The following SRP68 variants were observed in gnomAD, a reference collection of about 807,000 sequenced individuals.
SRP68 encodes signal recognition particle 68.
A neutral mutation model predicts 82.2 loss-of-function variants in SRP68; 15 were observed. That is an observed-to-expected ratio of 0.18 (90% CI 0.12 to 0.28). SRP68 has a LOEUF of 0.28. Among genes scored for constraint, SRP68 ranks in the 10% least tolerant of loss-of-function variants. The pLI, the probability that SRP68 is intolerant of heterozygous loss-of-function variation, is 1.00. For synonymous variants in SRP68, 261 were observed against 292.6 expected (o/e 0.89, Z 1.10); for missense variants, 595 against 780.5 (o/e 0.76, Z 2.83).
chr17:76,045,180 G>C (rs1375029375), intron 12 of SRP68, 112 bp downstream of exon 12: 2 of 780,152 alleles, frequency 2.6e-6, no homozygotes, highest in Non-Finnish European at 4.3e-6. Context: ...TCACAGGCAA[G>C]GTAACCATAC....
chr17:76,061,738 A>G, intron 4 of SRP68, 164 bp from the exon 5 acceptor site: 1 of 512,342 alleles, frequency 2.0e-6, no homozygotes, highest in East Asian at 3.2e-5. Flanking sequence ...AGGTGGGAGG[A>G]TCACTTGAAC....
intron 3 of SRP68, 133 bp from the exon 4 acceptor site, chr17:76,064,304 G>T: frequency 1.4e-6 from 1 of 725,806 alleles, no homozygotes; most frequent in Non-Finnish European, 2.3e-6. Context: ...CAACTCTTCT[G>T]ATATTCTCAG....
intron 1 of SRP68, 124 bp from the exon 2 acceptor site, chr17:76,070,568 C>T (rs1302350299): frequency 3.2e-5 from 27 of 842,420 alleles, no homozygotes; most frequent in Admixed American, 1.2e-4. Context: ...TAGCCAGGTA[C>T]GGTGGCTCAT....
At chr17:76,065,066 A>T (rs2066796560) in intron 3 of SRP68, among the ~76,000 whole-genome samples, 2 of 152,108 alleles carry the variant, frequency 1.3e-5, no homozygotes. Flanking sequence ...CTTTATTATT[A>T]TACTGGTGAA....
At chr17:76,057,803 A>G (rs1224124276) in intron 7 of SRP68, among the ~76,000 whole-genome samples, 1 of 150,028 alleles carries the variant, frequency 6.7e-6, no homozygotes, top group East Asian at 2.0e-4. Flanking sequence ...GCCTCCTGAG[A>G]AGCTAGAACT....
chr17:76,061,009 G>T (rs1255645522), intron 6 of SRP68, 101 bp downstream of exon 6: 5 of 777,560 alleles, frequency 6.4e-6, no homozygotes, highest in Non-Finnish European at 1.1e-5. Context: ...GGCAAGCGAA[G>T]AAGAAAGTTA....
chr17:76,062,536 C>T (rs1439741590), intron 4 of SRP68, among the ~76,000 whole-genome samples: 2 of 101,188 alleles, frequency 2.0e-5, no homozygotes, highest in African/African-American at 4.1e-5. Flanking sequence ...ATATAATATA[C>T]ATTATATATT....
Position 76,062,727 on chromosome 17 carries a change from TTTTATATA to T in SRP68, c.562-1161_562-1154del, listed in dbSNP as rs2066771983. 9.9e-5 allele frequency among the ~76,000 whole-genome samples: 2 copies of T among 20,176 alleles called. 1 individual carries two copies. The highest frequency in any genetic ancestry group is 4.2e-3 in the East Asian group (2 of 474). 13.2% of individuals were successfully genotyped at this position (20,176 alleles called of 152,430 possible). On this transcript the variant is annotated intron_variant, in intron 4 of 15. Coordinates refer to ENST00000307877, the MANE Select transcript of SRP68 (RefSeq NM_014230.4). ...TATATTATACAATATATTATATTTATTTTATATATATATATATATATATATATATATAT... is the reference window on the plus strand; with the variant it reads ...TATATTATACAATATATTATATTTATTATATATATATATATATATATATAT...
intron 7 of SRP68, among the ~76,000 whole-genome samples, chr17:76,059,741 G>A (rs1318227348): frequency 1.4e-5 from 2 of 143,806 alleles, no homozygotes; most frequent in Non-Finnish European, 3.0e-5. Flanking sequence ...GCAGTGAGCT[G>A]AGATCACGCC....
chr17:76,057,598 G>A, intron 7 of SRP68, 55 bp from the exon 8 acceptor site: 5 of 1,571,588 alleles, frequency 3.2e-6, no homozygotes, highest in Middle Eastern at 3.4e-4. Flanking sequence ...AGTGATGGAG[G>A]TGAAAATAAG....
Position 76,040,316 on chromosome 17 carries a change from G to T in SRP68, c.1656+103C>A. On this transcript the variant is annotated intron_variant, in intron 15 of 15. Coordinates refer to ENST00000307877, the MANE Select transcript of SRP68 (RefSeq NM_014230.4). ...GTAAGAGAAGGGAGGGAGGTGGGGG[G>T]TTTCCTTAGAAATTTAGGGTCCACT... The T allele has an allele frequency of 2.6e-6, 3 of 1,145,836 alleles. No homozygotes were observed. In the African/African-American group the frequency reaches 4.6e-5, roughly 17 times the overall value. The allele number at this position is 1,145,836 out of a possible 1,614,324, so 71.0% of individuals were successfully genotyped here.
rs377034457 is a variant in SRP68, at chr17:76,043,784, C to T, written c.1524+45G>A. On this transcript the variant is annotated intron_variant, in intron 13 of 15. Coordinates refer to ENST00000307877, the MANE Select transcript of SRP68 (RefSeq NM_014230.4). ...CTCACAGCTCCTCCACAGCTGACTC[C>T]ATAACCTGCCAGGGCTTGCAAACAA... The T allele has an allele frequency of 2.7e-4, 421 of 1,544,268 alleles. 4 individuals are homozygous for T. The South Asian group carries it at 3.8e-3, about 14-fold the overall frequency.
chr17:76,070,880 A>AC (rs59945931), intron 1 of SRP68, among the ~76,000 whole-genome samples: 9 of 151,054 alleles, frequency 6.0e-5, no homozygotes, highest in East Asian at 1.9e-4. Flanking sequence ...ACACACACAC[A>AC]AATTTGTGAA....
chr17:76,068,017 T>G (rs1598271301), intron 2 of SRP68, among the ~76,000 whole-genome samples: 1 of 151,904 alleles, frequency 6.6e-6, no homozygotes, highest in African/African-American at 2.4e-5. Flanking sequence ...AGGGGCTGGG[T>G]GCAGTGGCTC....
At chr17:76,040,047 C>A (rs1465955672) in intron 15 of SRP68, 114 bp from the exon 16 acceptor site, 8 of 1,016,264 alleles carry the variant, frequency 7.9e-6, no homozygotes, top group Non-Finnish European at 1.2e-5. Context: ...CTCACTCAAT[C>A]ACTCAATCCC....
chr17:76,066,852 T>C (rs555153737), intron 3 of SRP68, among the ~76,000 whole-genome samples: 10 of 151,990 alleles, frequency 6.6e-5, no homozygotes, highest in African/African-American at 2.4e-4. Flanking sequence ...CTCAGCCTCC[T>C]GAGTAGCTGG....
chr17:76,057,122 T>C lies in SRP68; in HGVS notation c.978+281A>G, dbSNP rs77940275. 3.0e-4 allele frequency among the ~76,000 whole-genome samples: 45 copies of C among 152,340 alleles called. No homozygotes were observed. In the East Asian group the frequency reaches 6.6e-3, roughly 22 times the overall value. ...CTGCTGCACCACCTGCTGGGCCAAATGTGACCCCTTACTTTAAGCCAGCCT... is the reference window on the plus strand; with the variant it reads ...CTGCTGCACCACCTGCTGGGCCAAACGTGACCCCTTACTTTAAGCCAGCCT... On this transcript the variant is annotated intron_variant, in intron 8 of 15. Transcript: ENST00000307877.
At chr17:76,066,334 C>T (rs575109697) in intron 3 of SRP68, among the ~76,000 whole-genome samples, 2 of 152,018 alleles carry the variant, frequency 1.3e-5, no homozygotes, top group South Asian at 4.2e-4. Context: ...TGCCTGTAAT[C>T]CCAGCTACTC....
At chr17:76,060,124 TC>T (rs2066741081) in intron 7 of SRP68, among the ~76,000 whole-genome samples, 183 bp downstream of exon 7, 1 of 13,334 alleles carries the variant, frequency 7.5e-5, no homozygotes, top group African/African-American at 7.2e-4. Flanking sequence ...AGACTCCATC[TC>T]AAAAAAAAAA....
Sources: allele counts gnomAD v4.1 joint callset (sites outside exome capture counted in the v4.1 genomes callset), GRCh38; gene constraint gnomAD v4.1.1; transcripts MANE v1.5; gene names NCBI Gene and HGNC (gene_info 2026-07-23, HGNC 2026-07-21).